NDST3: variants seen among roughly 807,000 people sequenced by gnomAD.
NDST3 encodes bifunctional heparan sulfate N-deacetylase/N-sulfotransferase 3.
A neutral mutation model predicts 96.1 loss-of-function variants in NDST3; 58 were observed. That is an observed-to-expected ratio of 0.60 (90% CI 0.49 to 0.75). NDST3 has a LOEUF of 0.75. NDST3 is among the 30% of genes least tolerant of loss of function. The pLI is 0.00. For synonymous variants in NDST3, 333 were observed against 359.7 expected (o/e 0.93, Z 0.84); for missense variants, 788 against 1,034.2 (o/e 0.76, Z 3.27).
intron 6 of NDST3, among the ~76,000 whole-genome samples, chr4:118,160,522 CT>C: frequency 6.6e-6 from 1 of 151,688 alleles, no homozygotes; most frequent in Middle Eastern, 3.4e-3. Flanking sequence ...TGAACAGACA[CT>C]TTTCAAAAGA....
intron 1 of NDST3, among the ~76,000 whole-genome samples, chr4:118,048,392 G>A (rs1724889357): frequency 6.6e-6 from 1 of 152,052 alleles, no homozygotes; most frequent in South Asian, 2.1e-4. Context: ...AATCCTGAAT[G>A]TAAATGAGCT....
chr4:118,148,305 A>C (rs1172114384), intron 6 of NDST3, among the ~76,000 whole-genome samples: 1 of 152,170 alleles, frequency 6.6e-6, no homozygotes, highest in Non-Finnish European at 1.5e-5. Context: ...CTCAAAAAAA[A>C]TGCGCGCCAA....
intron 3 of NDST3, among the ~76,000 whole-genome samples, chr4:118,106,889 G>C (rs1056935960): frequency 6.6e-6 from 1 of 152,122 alleles, no homozygotes; most frequent in Non-Finnish European, 1.5e-5. Context: ...AGGAGATCGA[G>C]ATCATCCTGG....
intron 6 of NDST3, among the ~76,000 whole-genome samples, chr4:118,208,898 A>C (rs1738611057): frequency 6.9e-6 from 1 of 144,584 alleles, no homozygotes; most frequent in Non-Finnish European, 1.5e-5. Context: ...TCACAAAATA[A>C]ATATATTTGT....
chr4:118,251,130 A>ATTT (rs35077679), intron 12 of NDST3, among the ~76,000 whole-genome samples: 3 of 126,104 alleles, frequency 2.4e-5, no homozygotes, highest in Non-Finnish European at 3.3e-5. Context: ...TTTTTATTTT[A>ATTT]TTTTTTTTTT....
chr4:118,035,960 C>T (rs1346439471), intron 1 of NDST3, among the ~76,000 whole-genome samples: 2 of 151,974 alleles, frequency 1.3e-5, no homozygotes, highest in African/African-American at 4.8e-5. Flanking sequence ...TATATACCCT[C>T]TTTTTAAATT....
In NDST3 at chr4:118,138,203, T is replaced by C. The variant is rs749178790; in HGVS notation, c.1374T>C (p.Ala458=). 1 of 1,613,948 alleles carries C rather than the reference T, an allele frequency of 6.2e-7. No individual in the cohort carries two copies. Among genetic ancestry groups the C allele is most frequent in the South Asian group, 1.1e-5 (1 of 91,070 alleles). ...AAGAATATCCACATCTGAAGCCAGCTAGATACCGGAGGGGTTTTATCCACA... is the reference window on the plus strand; with the variant it reads ...AAGAATATCCACATCTGAAGCCAGCCAGATACCGGAGGGGTTTTATCCACA... ...STEEYPHLKP[A]RYRRGFIHKN... The change falls in exon 5 of 14, where the codon GCT becomes GCC. Residue 458 remains alanine (A), a synonymous_variant. Coordinates refer to ENST00000296499, the MANE Select transcript of NDST3 (RefSeq NM_004784.3).
At chr4:118,238,879 G>A (rs1054859910) in intron 10 of NDST3, among the ~76,000 whole-genome samples, 1 of 152,134 alleles carries the variant, frequency 6.6e-6, no homozygotes, top group Non-Finnish European at 1.5e-5. Flanking sequence ...CTTAAATAAG[G>A]GAAAGATACG....
intron 6 of NDST3, among the ~76,000 whole-genome samples, chr4:118,215,738 C>T (rs10024459): frequency 6.6e-6 from 1 of 151,714 alleles, no homozygotes; most frequent in Non-Finnish European, 1.5e-5. Flanking sequence ...TTAGTCTTGA[C>T]AACAAAATGG....
At chr4:118,062,612 C>G (rs1725986598) in intron 2 of NDST3, among the ~76,000 whole-genome samples, 1 of 151,842 alleles carries the variant, frequency 6.6e-6, no homozygotes, top group African/African-American at 2.4e-5. Flanking sequence ...TACAACTGTA[C>G]AGTTATTTTA....
chr4:118,196,018 T>A (rs1261451552), intron 6 of NDST3, among the ~76,000 whole-genome samples: 12 of 152,230 alleles, frequency 7.9e-5, no homozygotes, highest in Admixed American at 5.2e-4. Flanking sequence ...TAAGGTATGC[T>A]CCTTCTATAC....
chr4:118,111,535 AT>A (rs149834516), intron 3 of NDST3, among the ~76,000 whole-genome samples: 4,472 of 132,282 alleles, frequency 0.034, 175 homozygotes, highest in African/African-American at 0.12. Flanking sequence ...TTTAATCATG[AT>A]TTTTTTTTTT....
intron 1 of NDST3, among the ~76,000 whole-genome samples, chr4:118,041,949 C>A (rs1231672132): frequency 3.9e-5 from 6 of 152,120 alleles, no homozygotes; most frequent in African/African-American, 1.4e-4. Context: ...GATAAAGTCT[C>A]CAAAGGGAGC....
chr4:118,220,737 C>T (rs184807236), intron 6 of NDST3, among the ~76,000 whole-genome samples: 2 of 151,968 alleles, frequency 1.3e-5, no homozygotes, highest in African/African-American at 4.8e-5. Flanking sequence ...AGTACAGAAG[C>T]CCTCAAAAGT....
At chr4:118,247,730 A>G (rs910889408) in intron 12 of NDST3, among the ~76,000 whole-genome samples, 3 of 152,204 alleles carry the variant, frequency 2.0e-5, no homozygotes, top group African/African-American at 7.2e-5. Flanking sequence ...GCTGAATTGT[A>G]TATTTAACAA....
chr4:118,233,163 A>G, intron 9 of NDST3, 28 bp downstream of exon 9: 19 of 1,591,082 alleles, frequency 1.2e-5, no homozygotes, highest in Non-Finnish European at 1.6e-5. Context: ...TATAAATCTA[A>G]AAGTATATGT....
In NDST3 at chr4:118,084,857, A is replaced by T. The variant is rs1223436032; in HGVS notation, c.982-20161A>T. Reference sequence around the variant, plus strand: ...TGGAATGGGCCAAGCGCGGTGGCTCACGCCTGTAATCCCAGCACTTTGGGA... The same window carrying T: ...TGGAATGGGCCAAGCGCGGTGGCTCTCGCCTGTAATCCCAGCACTTTGGGA... On this transcript the variant is annotated intron_variant, in intron 2 of 13. Coordinates refer to ENST00000296499, the MANE Select transcript of NDST3 (RefSeq NM_004784.3). Among the ~76,000 whole-genome samples, 16 of 152,216 alleles carry T rather than the reference A, an allele frequency of 1.1e-4. 1 individual carries two copies. Among genetic ancestry groups the T allele is most frequent in the Admixed American group, 1.0e-3 (16 of 15,276 alleles).
At chr4:118,062,807 G>A (rs1489134586) in intron 2 of NDST3, among the ~76,000 whole-genome samples, 2 of 152,112 alleles carry the variant, frequency 1.3e-5, no homozygotes, top group African/African-American at 4.8e-5. Context: ...CTAAAAGAAT[G>A]AGTTATAAAT....
chr4:118,210,777 A>G (rs78753051), intron 6 of NDST3, among the ~76,000 whole-genome samples: 1 of 149,448 alleles, frequency 6.7e-6, no homozygotes, highest in East Asian at 2.0e-4. Flanking sequence ...TCCATCTCAA[A>G]AAAAAAAAAA....
Sources: allele counts gnomAD v4.1 joint callset (sites outside exome capture counted in the v4.1 genomes callset), GRCh38; gene constraint gnomAD v4.1.1; transcripts MANE v1.5; gene names NCBI Gene and HGNC (gene_info 2026-07-23, HGNC 2026-07-21).